GGH: variants seen among roughly 807,000 people sequenced by gnomAD.
The protein encoded by GGH is gamma-Glu-X carboxypeptidase.
A neutral mutation model predicts 39.2 loss-of-function variants in GGH; 18 were observed. The observed-to-expected ratio is 0.46, with a 90% CI of 0.32 to 0.68. GGH has a LOEUF of 0.68. GGH is among the 30% of genes least tolerant of loss of function. The pLI is 0.04. For synonymous variants in GGH, 147 were observed against 138.8 expected (o/e 1.06, Z -0.42); for missense variants, 367 against 384.1 (o/e 0.96, Z 0.37).
chr8:63,018,865 T>A (rs1456857347), intron 7 of GGH, among the ~76,000 whole-genome samples: 1 of 152,216 alleles, frequency 6.6e-6, no homozygotes, highest in South Asian at 2.1e-4. Context: ...AAAAAGCTCA[T>A]GGAAAACGTG....
intron 7 of GGH, 105 bp from the exon 8 acceptor site, chr8:63,017,735 C>T (rs914443966): frequency 4.8e-5 from 31 of 652,384 alleles, no homozygotes; most frequent in Non-Finnish European, 7.5e-5. Flanking sequence ...TTCACCTTAT[C>T]AGACAAGGTA....
At chr8:63,030,350 T>G (rs1804779961) in intron 2 of GGH, 133 bp from the exon 3 acceptor site, 2 of 556,356 alleles carry the variant, frequency 3.6e-6, no homozygotes, top group African/African-American at 3.7e-5. Flanking sequence ...CCTCTCTACT[T>G]TTCTAGAGGC....
Position 63,030,228 on chromosome 8 carries a change from TAAA to T in GGH, c.225-14_225-12del, listed in dbSNP as rs757415189. 8.0e-7 allele frequency: 1 copy of T among 1,243,808 alleles called. No homozygotes were observed. Among genetic ancestry groups the T allele is most frequent in the South Asian group, 1.2e-5 (1 of 82,538 alleles). 77.0% of individuals were successfully genotyped at this position (1,243,808 alleles called of 1,614,324 possible). On this transcript the variant is annotated splice_polypyrimidine_tract_variant and intron_variant, in intron 2 of 8. Transcript: ENST00000260118. ...TCTGTAAGATCCAGCCTGAAAACAA[TAAA>T]AGTTATTGTTACATTTGTGAAACTT...
chr8:63,029,166 C>T (rs1804755357), intron 3 of GGH, among the ~76,000 whole-genome samples: 2 of 152,024 alleles, frequency 1.3e-5, no homozygotes, highest in African/African-American at 4.8e-5. Context: ...ATACTTCCAC[C>T]CTATTCCCAA....
rs149752603 is a variant in GGH, at chr8:63,026,258, T to G, written c.399A>C (p.Thr133=). ...DDGDYFPVWG[T]CLGFEELSLL... Reference sequence around the variant, plus strand: ...GTGAAAGCTCTTCAAATCCAAGGCATGTGCCCCACACAGGAAAATAGTCTC... The same window carrying G: ...GTGAAAGCTCTTCAAATCCAAGGCAGGTGCCCCACACAGGAAAATAGTCTC... The change falls in exon 5 of 9, where the codon ACA becomes ACC. Residue 133 remains threonine (T), a synonymous_variant. Transcript: ENST00000260118. 40 of 1,610,346 alleles carry G rather than the reference T, an allele frequency of 2.5e-5. No homozygotes were observed. The African/African-American group carries it at 5.1e-4, about 20-fold the overall frequency.
chr8:63,016,055 A>G (rs1804482714), intron 8 of GGH, among the ~76,000 whole-genome samples: 1 of 152,242 alleles, frequency 6.6e-6, no homozygotes, highest in African/African-American at 2.4e-5. Flanking sequence ...GTAAGGCAGC[A>G]TTATGAAAAA....
At position 63,022,214 on chromosome 8, in the gene GGH, A is replaced by T. The variant is rs1195053909; in HGVS notation, c.697+1693T>A. On this transcript the variant is annotated intron_variant, in intron 7 of 8. Coordinates refer to ENST00000260118, the MANE Select transcript of GGH (RefSeq NM_003878.3). ...TTCCCTCAAACAAGATCATAAAGAC[A>T]TTCTCCTTTATTTTTTCTAAAACCT... Among the ~76,000 whole-genome samples the T allele has an allele frequency of 3.9e-5, 6 of 152,036 alleles. No individual in the cohort carries two copies. The East Asian group carries it at 7.8e-4, about 20-fold the overall frequency.
At chr8:63,026,561 T>C (rs1158203386) in intron 4 of GGH, among the ~76,000 whole-genome samples, 2 of 152,148 alleles carry the variant, frequency 1.3e-5, no homozygotes, top group Non-Finnish European at 2.9e-5. Context: ...CTATTAAAAG[T>C]TTGAAACAAG....
At chr8:63,035,828 T>C in intron 1 of GGH, 58 bp from the exon 2 acceptor site, 1 of 1,399,648 alleles carries the variant, frequency 7.1e-7, no homozygotes, top group Non-Finnish European at 1.0e-6. Flanking sequence ...GCTCAGAAAC[T>C]GAAATATATC....
intron 7 of GGH, among the ~76,000 whole-genome samples, chr8:63,022,218 T>C (rs937645593): frequency 6.6e-6 from 1 of 152,130 alleles, no homozygotes; most frequent in African/African-American, 2.4e-5. Context: ...AAAGACATTC[T>C]CCTTTATTTT....
At chr8:63,027,523 G>A (rs1239855687) in intron 3 of GGH, among the ~76,000 whole-genome samples, 2 of 152,134 alleles carry the variant, frequency 1.3e-5, no homozygotes, top group Admixed American at 6.6e-5. Flanking sequence ...GAAATAGAGT[G>A]TGGGAAAATT....
In GGH at chr8:63,026,149, T is replaced by C; in HGVS notation, c.499+9A>G. 6.3e-7 allele frequency: 1 copy of C among 1,576,718 alleles called. No individual in the cohort carries two copies. The highest frequency in any genetic ancestry group is 8.6e-7 in the Non-Finnish European group (1 of 1,167,070). Reference sequence around the variant, plus strand: ...ATATTTTTCAAAGGGTTGAAAAGAGTACTCTTACCTCCAGTGAAGTTCAGC... The same window carrying C: ...ATATTTTTCAAAGGGTTGAAAAGAGCACTCTTACCTCCAGTGAAGTTCAGC... On this transcript the variant is annotated intron_variant, in intron 5 of 8. Coordinates refer to ENST00000260118, the MANE Select transcript of GGH (RefSeq NM_003878.3).
chr8:63,029,867 A>G (rs1348673364), intron 3 of GGH: 1 of 215,032 alleles, frequency 4.7e-6, no homozygotes, highest in Non-Finnish European at 9.0e-6. Flanking sequence ...ACGCCATTCA[A>G]GGTAGCTTCA....
At chr8:63,030,363 T>G in intron 2 of GGH, 146 bp from the exon 3 acceptor site, 1 of 552,024 alleles carries the variant, frequency 1.8e-6, no homozygotes, top group Non-Finnish European at 3.3e-6. Context: ...CTAGAGGCAT[T>G]TTTGCAAACC....
intron 3 of GGH, 133 bp from the exon 4 acceptor site, chr8:63,027,398 G>A: frequency 5.9e-6 from 3 of 512,312 alleles, no homozygotes; most frequent in African/African-American, 2.0e-5. Context: ...AAGAAAATTA[G>A]AAAAGTAAAG....
chr8:63,025,925 C>T (rs949328613), intron 5 of GGH, among the ~76,000 whole-genome samples: 15 of 152,098 alleles, frequency 9.9e-5, no homozygotes, highest in Non-Finnish European at 5.9e-5. Flanking sequence ...TCACTAGAAG[C>T]AATGAGTTAT....
At position 63,035,761 on chromosome 8, in the gene GGH, A is replaced by G; in HGVS notation, c.119T>C (p.Met40Thr). 3.1e-6 allele frequency: 5 copies of G among 1,610,046 alleles called. No homozygotes were observed. The highest frequency in any genetic ancestry group is 4.2e-6 in the Non-Finnish European group (5 of 1,178,756). ...TAKKPIIGILMQKCRNKVMKN... is the reference protein window; with the variant it reads ...TAKKPIIGILTQKCRNKVMKN... Reference sequence around the variant, plus strand: ...CATGACTTTATTACGGCATTTTTGCATTAATATTCCTAATAACAAAAAAAA... The same window carrying G: ...CATGACTTTATTACGGCATTTTTGCGTTAATATTCCTAATAACAAAAAAAA... Residue 40 changes from methionine to threonine, a missense_variant, in exon 2 of 9, where the codon ATG (methionine) becomes ACG (threonine). Met to Thr is a moderately conservative substitution (Grantham distance 81). Transcript: ENST00000260118.
At chr8:63,030,873 A>T (rs1804790069) in intron 2 of GGH, among the ~76,000 whole-genome samples, 1 of 152,164 alleles carries the variant, frequency 6.6e-6, no homozygotes, top group Non-Finnish European at 1.5e-5. Flanking sequence ...TGGTGACTTT[A>T]TTCCCTTTCT....
Position 63,015,384 on chromosome 8 carries a change from G to T in GGH, c.905C>A (p.Pro302Gln). The change falls in exon 9 of 9, where the codon CCA (proline) becomes CAA (glutamine). Residue 302 changes from proline (P) to glutamine (Q), a missense_variant. By Grantham distance (76) the Pro-to-Gln change is moderately conservative. Transcript: ENST00000260118. Reference protein sequence around the residue: ...EEKALIYQFSPIYTGNISSFQ... With the variant: ...EEKALIYQFSQIYTGNISSFQ... ...TGAAGAAATATTTCCAGTATAAATTGGACTGAACTGATAAATCAATGCTTT... is the reference window on the plus strand; with the variant it reads ...TGAAGAAATATTTCCAGTATAAATTTGACTGAACTGATAAATCAATGCTTT... 1 of 1,389,476 alleles carries T rather than the reference G, an allele frequency of 7.2e-7. No homozygotes were observed. Among genetic ancestry groups the T allele is most frequent in the Non-Finnish European group, 1.0e-6 (1 of 987,398 alleles). The allele number at this position is 1,389,476 out of a possible 1,614,324, so 86.1% of individuals were successfully genotyped here.
Sources: gnomAD v4.1 joint callset for allele counts (sites outside exome capture counted in the v4.1 genomes callset) on GRCh38, gnomAD v4.1.1 for gene constraint, MANE v1.5 for transcripts, NCBI Gene and HGNC (gene_info 2026-07-23, HGNC 2026-07-21) for gene names.